The following PTGFRN variants were observed in gnomAD, a reference collection of about 807,000 sequenced individuals.
PTGFRN encodes prostaglandin F2 receptor inhibitor, also known as prostaglandin F2 receptor negative regulator.
A neutral mutation model predicts 83.2 loss-of-function variants in PTGFRN; 35 were observed. The ratio of observed to expected loss-of-function variants is 0.42; its 90% confidence interval spans 0.32 to 0.56. The LOEUF is 0.56. PTGFRN is among the 20% of genes least tolerant of loss of function. PTGFRN has a pLI of 0.11. For missense variants in PTGFRN, 1,051 were observed against 1,179.5 expected, an observed-to-expected ratio of 0.89 and a Z score of 1.60; for synonymous variants, 519 against 498.6, an observed-to-expected ratio of 1.04 and a Z score of -0.55.
chr1:116,914,798 A>G (rs1649359365), intron 1 of PTGFRN, among the ~76,000 whole-genome samples: 1 of 151,270 alleles, frequency 6.6e-6, no homozygotes, highest in Non-Finnish European at 1.5e-5. Flanking sequence ...CTGCCCAGGC[A>G]CAGCCACTCC....
chr1:116,941,914 C>T lies in PTGFRN; in HGVS notation c.249C>T (p.Tyr83=). The change falls in exon 2 of 9, where the codon TAC becomes TAT. Residue 83 remains tyrosine, a synonymous_variant. Coordinates refer to ENST00000393203, the MANE Select transcript of PTGFRN (RefSeq NM_020440.4). The surrounding 1 kb of genome is among the most constrained non-coding windows in gnomAD (Gnocchi z 5.0). ...TWEVGFPAQL[Y]QERLQRGEIL... ...AGGTGGGGTTCCCAGCCCAGCTGTA[C>T]CAGGAGCGGCTGCAGAGGGGCGAGA... 1 of 1,614,166 alleles carries T rather than the reference C, an allele frequency of 6.2e-7. No homozygotes were observed. Among genetic ancestry groups the T allele is most frequent in the Non-Finnish European group, 8.5e-7 (1 of 1,180,018 alleles).
chr1:116,975,013 G>A (rs558757999), intron 7 of PTGFRN, among the ~76,000 whole-genome samples: 226 of 152,284 alleles, frequency 1.5e-3, no homozygotes, highest in African/African-American at 4.9e-3. Flanking sequence ...GGAAAATTGG[G>A]TCACTCCCAC....
chr1:116,956,158 G>A (rs533663345), intron 4 of PTGFRN, among the ~76,000 whole-genome samples: 139 of 152,342 alleles, frequency 9.1e-4, no homozygotes, highest in African/African-American at 3.1e-3. Flanking sequence ...ATCTTCTCCA[G>A]GAGTGTAAGT....
chr1:116,921,536 G>A (rs1409252293), intron 1 of PTGFRN, among the ~76,000 whole-genome samples: 1 of 152,048 alleles, frequency 6.6e-6, no homozygotes, highest in East Asian at 1.9e-4. Context: ...AGTCACATTA[G>A]TCAAAGTAAA....
chr1:116,964,057 G>T lies in PTGFRN; in HGVS notation c.1639+2389G>T, dbSNP rs372789721. Among the ~76,000 whole-genome samples, 8 of 148,130 alleles carry T rather than the reference G, an allele frequency of 5.4e-5. No individual in the cohort carries two copies. In the East Asian group the frequency reaches 6.0e-4, roughly 11 times the overall value. On this transcript the variant is annotated intron_variant, in intron 5 of 8. Transcript: ENST00000393203. ...AGTCGCCCGAAGTGCTAGGATTACA[G>T]GCATGAGCCACCGTGCCGGGCGCCC...
chr1:116,950,109 C>T (rs956865113), intron 4 of PTGFRN, among the ~76,000 whole-genome samples: 1 of 152,158 alleles, frequency 6.6e-6, no homozygotes, highest in African/African-American at 2.4e-5. Flanking sequence ...GACGCTCTCA[C>T]CCCAGGTGTA....
chr1:116,937,028 T>C (rs1649938509), intron 1 of PTGFRN, among the ~76,000 whole-genome samples: 1 of 152,192 alleles, frequency 6.6e-6, no homozygotes. Context: ...GATGTGCCAC[T>C]TTAGGGTGCT....
rs747707764 is a variant in PTGFRN at position 116,967,268 on chromosome 1, G to A, written c.1997G>A (p.Ser666Asn). 7.4e-6 allele frequency: 12 copies of A among 1,614,100 alleles called. No homozygotes were observed. The highest frequency in any genetic ancestry group is 1.7e-5 in the Admixed American group (1 of 60,014). ...ACAGCCTGGTCTCCTGTCAGGGGCA[G>A]CCTTTGGCGAGAAGCAGCAACCAGT... ...MVTAWSPVRG[S>N]LWREAATSLS... is the part of the protein sequence containing the mutation. Residue 666 changes from serine (S) to asparagine (N), a missense_variant, in exon 6 of 9, where the codon AGC (serine) becomes AAC (asparagine). By Grantham distance (46) the Ser-to-Asn change is conservative. Around this residue, in one of 3 missense-constraint regions of PTGFRN, gnomAD observed 719 missense variants for 836.6 expected, o/e 0.86. Coordinates refer to ENST00000393203, the MANE Select transcript of PTGFRN (RefSeq NM_020440.4).
At chr1:116,966,442 C>G (rs1011456665) in intron 5 of PTGFRN, among the ~76,000 whole-genome samples, 2 of 152,188 alleles carry the variant, frequency 1.3e-5, no homozygotes, top group African/African-American at 4.8e-5. Flanking sequence ...TCCCTGCAGG[C>G]TAGCTTAGCT....
In PTGFRN at chr1:116,961,360, C is replaced by A; in HGVS notation, c.1331C>A (p.Thr444Lys). The change falls in exon 5 of 9, where the codon ACG (threonine) becomes AAG (lysine). Residue 444 changes from threonine (T) to lysine (K), a missense_variant. Around this residue, in one of 3 missense-constraint regions of PTGFRN, gnomAD observed 719 missense variants for 836.6 expected, o/e 0.86. Coordinates refer to ENST00000393203, the MANE Select transcript of PTGFRN (RefSeq NM_020440.4). The surrounding 1 kb of genome is among the most constrained non-coding windows in gnomAD (Gnocchi z 5.4). ...TKSGEANVRF[T>K]VSWYYRMNRR... Reference sequence around the variant, plus strand: ...AGTGGGGAGGCGAATGTCCGATTCACGGTTTCGTGGTACTACAGGATGAAC... The same window carrying A: ...AGTGGGGAGGCGAATGTCCGATTCAAGGTTTCGTGGTACTACAGGATGAAC... The A allele has an allele frequency of 6.3e-7, 1 of 1,596,936 alleles. No homozygotes were observed. Among genetic ancestry groups the A allele is most frequent in the East Asian group, 2.2e-5 (1 of 44,614 alleles).
chr1:116,921,551 G>C (rs1649535927), intron 1 of PTGFRN, among the ~76,000 whole-genome samples: 1 of 151,940 alleles, frequency 6.6e-6, no homozygotes, highest in African/African-American at 2.4e-5. Flanking sequence ...AGTAAAAACA[G>C]TTATGACCCT....
intron 5 of PTGFRN, among the ~76,000 whole-genome samples, chr1:116,964,121 C>T (rs567032458): frequency 2.0e-5 from 3 of 152,164 alleles, no homozygotes; most frequent in African/African-American, 7.2e-5. Context: ...CTTCTTCATC[C>T]GTCTTTCTGT....
chr1:116,961,760 T>C lies in PTGFRN; in HGVS notation c.1639+92T>C. On this transcript the variant is annotated intron_variant, in intron 5 of 8. Coordinates refer to ENST00000393203, the MANE Select transcript of PTGFRN (RefSeq NM_020440.4). This position sits in a 1 kb window ranked among gnomAD's most constrained non-coding sequence, Gnocchi z 5.4. Reference sequence around the variant, plus strand: ...ATGCACAGTCACCCTCTGCAGGTTATCACTTACACTAGGAATGTGTGTCCT... The same window carrying C: ...ATGCACAGTCACCCTCTGCAGGTTACCACTTACACTAGGAATGTGTGTCCT... 1 of 1,207,934 alleles carries C rather than the reference T, an allele frequency of 8.3e-7. No homozygotes were observed. The highest frequency in any genetic ancestry group is 1.1e-6 in the Non-Finnish European group (1 of 869,932). The allele number at this position is 1,207,934 out of a possible 1,614,324, so 74.8% of individuals were successfully genotyped here. A position where few individuals can be genotyped will look rare whatever the true frequency, so the allele number is the denominator to read the frequency against.
intron 2 of PTGFRN, among the ~76,000 whole-genome samples, chr1:116,942,312 C>T (rs190607408): frequency 1.2e-4 from 19 of 152,268 alleles, no homozygotes; most frequent in African/African-American, 4.1e-4. Context: ...CTCTTCACTC[C>T]GGTATGGTTC....
At chr1:116,942,763 T>G (rs539664650) in intron 2 of PTGFRN, among the ~76,000 whole-genome samples, 2 of 152,340 alleles carry the variant, frequency 1.3e-5, no homozygotes, top group African/African-American at 4.8e-5. Flanking sequence ...CTGGAATGTT[T>G]TGGGATTTGT....
chr1:116,916,988 A>G (rs1428175513), intron 1 of PTGFRN, among the ~76,000 whole-genome samples: 1 of 152,112 alleles, frequency 6.6e-6, no homozygotes, highest in Non-Finnish European at 1.5e-5. Flanking sequence ...GGAGAGTTCT[A>G]GGAGTAGTCA....
rs77895792 is a variant in PTGFRN, at chr1:116,941,959, C to T, written c.294C>T (p.Ala98=). Residue 98 remains alanine, a synonymous_variant, in exon 2 of 9, where the codon GCC becomes GCT. Coordinates refer to ENST00000393203, the MANE Select transcript of PTGFRN (RefSeq NM_020440.4). The surrounding 1 kb of genome is among the most constrained non-coding windows in gnomAD (Gnocchi z 5.0). The stretch of plus-strand genomic sequence containing the variant: ...GCGAGATCCTGTTAAGGCGGACTGC[C>T]AACGACGCCGTGGAGCTCCACATAA... ...QRGEILLRRT[A]NDAVELHIKN... 5.3e-4 allele frequency: 856 copies of T among 1,614,168 alleles called. 5 individuals carry two copies. The African/African-American group carries it at 0.01, about 20-fold the overall frequency.
intron 6 of PTGFRN, among the ~76,000 whole-genome samples, chr1:116,971,790 G>T (rs1308389244): frequency 6.6e-6 from 1 of 152,144 alleles, no homozygotes; most frequent in Non-Finnish European, 1.5e-5. Context: ...GTTTTCTTTG[G>T]AAACATAAAG....
intron 8 of PTGFRN, among the ~76,000 whole-genome samples, chr1:116,985,774 G>A (rs1651458959): frequency 6.6e-6 from 1 of 151,582 alleles, no homozygotes; most frequent in Non-Finnish European, 1.5e-5. Flanking sequence ...GGAGCCCCAA[G>A]ATGGGAGGAT....
Sources: gnomAD v4.1 joint callset for allele counts (sites outside exome capture counted in the v4.1 genomes callset) on GRCh38, gnomAD v4.1.1 for gene constraint, gnomAD v4.1.1 regional missense constraint, Gnocchi (gnomAD v3.1) non-coding constraint, MANE v1.5 for transcripts, NCBI Gene and HGNC (gene_info 2026-07-23, HGNC 2026-07-21) for gene names.